Variants in FGFRL1 observed in about 807,000 individuals in gnomAD.
FGFRL1 encodes the protein fibroblast growth factor receptor-like 1.
Under a neutral mutation model 36.8 loss-of-function variants are expected in FGFRL1, and 24 were observed. That is an observed-to-expected ratio of 0.65 (90% CI 0.47 to 0.92). The LOEUF (loss-of-function observed/expected upper bound fraction) is 0.92. FGFRL1 is among the 40% of genes least tolerant of loss of function. The pLI is 0.00. For synonymous variants in FGFRL1, 422 were observed against 344.1 expected, an observed-to-expected ratio of 1.23 and a Z score of -2.50; for missense variants, 785 against 753.4, an observed-to-expected ratio of 1.04 and a Z score of -0.49.
At chr4:1,013,153 T>C (rs1484340955) in intron 2 of FGFRL1, among the ~76,000 whole-genome samples, 1 of 152,218 alleles carries the variant, frequency 6.6e-6, no homozygotes, top group African/African-American at 2.4e-5. Flanking sequence ...CAGGACTGCG[T>C]GCCTCTGGGC....
rs746746134 is a variant in FGFRL1, at chr4:1,022,458, A to G, written c.335A>G (p.Tyr112Cys). Residue 112 changes from tyrosine to cysteine, a missense_variant, in exon 3 of 7, where the codon TAC (tyrosine) becomes TGC (cysteine). Tyr to Cys is a radical substitution (Grantham distance 194). Transcript: ENST00000510644. Reference sequence around the variant, plus strand: ...GGCTTCGGCAGCCTGAGCGTCAACTACACCCTCGTCGTGCTGGGTTAGTCG... The same window carrying G: ...GGCTTCGGCAGCCTGAGCGTCAACTGCACCCTCGTCGTGCTGGGTTAGTCG... ...TNGFGSLSVN[Y>C]TLVVLDDISP... 1.1e-5 allele frequency: 17 copies of G among 1,605,848 alleles called. No homozygotes were observed. In the East Asian group the frequency reaches 3.6e-4, roughly 34 times the overall value.
chr4:1,023,828 T>C lies in FGFRL1; in HGVS notation c.445T>C (p.Phe149Leu). Residue 149 changes from phenylalanine to leucine, a missense_variant, in exon 5 of 7, where the codon TTC (phenylalanine) becomes CTC (leucine). Transcript: ENST00000510644. This position sits in a 1 kb window ranked among gnomAD's most constrained non-coding sequence, Gnocchi z 6.0. ...ACCCCACCCCGCAGCACGACCGCGC[T>C]TCACACAGCCCTCCAAGATGAGGCG... The part of the protein sequence containing the change: ...PASQQWARPR[F>L]TQPSKMRRRV... 6.3e-7 allele frequency: 1 copy of C among 1,581,756 alleles called. No homozygotes were observed. The highest frequency in any genetic ancestry group is 8.6e-7 in the Non-Finnish European group (1 of 1,164,148).
At position 1,025,042 on chromosome 4, in the gene FGFRL1, A is replaced by G. The variant is rs1366374593; in HGVS notation, c.1210A>G (p.Lys404Glu). The G allele has an allele frequency of 1.2e-6, 2 of 1,610,808 alleles. No homozygotes were observed. Among genetic ancestry groups the G allele is most frequent in the African/African-American group, 2.7e-5 (2 of 74,860 alleles). ...LLLWLCQAQK[K>E]PCTPAPAPPL... ...CCTGTGGCTTTGCCAGGCCCAGAAG[A>G]AGCCGTGCACCCCCGCGCCTGCCCC... The change falls in exon 7 of 7, where the codon AAG becomes GAG. Residue 404 changes from lysine to glutamate, a missense_variant. Coordinates refer to ENST00000510644, the MANE Select transcript of FGFRL1 (RefSeq NM_001004356.3).
Position 1,024,021 on chromosome 4 carries a change from C to T in FGFRL1, c.638C>T (p.Pro213Leu), listed in dbSNP as rs767248157. The change falls in exon 5 of 7, where the codon CCG becomes CTG. Residue 213 changes from proline to leucine, a missense_variant. Transcript: ENST00000510644. ...ACACTGAGCCTGAAGAACCTGCGGC[C>T]GGAGGACAGCGGCAAATACACCTGC... ...KWTLSLKNLRPEDSGKYTCRV... is the reference protein window; with the variant it reads ...KWTLSLKNLRLEDSGKYTCRV... 30 of 1,607,434 alleles carry T rather than the reference C, an allele frequency of 1.9e-5. No individual in the cohort carries two copies. Among genetic ancestry groups the T allele is most frequent in the South Asian group, 5.5e-5 (5 of 90,554 alleles).
chr4:1,015,980 G>A (rs918411773), intron 2 of FGFRL1, among the ~76,000 whole-genome samples: 11 of 152,252 alleles, frequency 7.2e-5, no homozygotes, highest in African/African-American at 1.9e-4. Flanking sequence ...GGGTCTGGGC[G>A]GCTGTGCCCT....
In FGFRL1 at chr4:1,025,659, A is replaced by G. The variant is rs1716481664; in HGVS notation, c.*312A>G. 1 of 472,984 alleles carries G rather than the reference A, an allele frequency of 2.1e-6. No individual in the cohort carries two copies. The highest frequency in any genetic ancestry group is 2.0e-5 in the African/African-American group (1 of 51,030). 29.3% of individuals were successfully genotyped at this position (472,984 alleles called of 1,614,324 possible). A position where few individuals can be genotyped will look rare whatever the true frequency, so the allele number is the denominator to read the frequency against. ...CAAATGCACGCACACGCACAGAGAC[A>G]TGCCAGAACATACAAGGACATGCTG... On this transcript the variant is annotated 3_prime_UTR_variant, in exon 7 of 7. Coordinates refer to ENST00000510644, the MANE Select transcript of FGFRL1 (RefSeq NM_001004356.3).
At chr4:1,012,389 C>T in intron 1 of FGFRL1, 81 bp from the exon 2 acceptor site, 1 of 1,528,658 alleles carries the variant, frequency 6.5e-7, no homozygotes, top group South Asian at 1.2e-5. Context: ...CGGCCAGACC[C>T]CTGATCCCCG....
chr4:1,017,002 G>A (rs996386671), intron 2 of FGFRL1, among the ~76,000 whole-genome samples: 22 of 152,082 alleles, frequency 1.4e-4, no homozygotes, highest in African/African-American at 4.3e-4. Context: ...CTCGGTAACC[G>A]GGTGGGGGGA....
Position 1,012,531 on chromosome 4 carries a change from C to A in FGFRL1, c.46C>A (p.Leu16Met). ...LLLLLLPPLL[L>M]GAFPPAAAAR... ...GCTGCTCCTGCTGCCGCCGCTGCTG[C>A]TGGGGGCCTTCCCGCCGGCCGCCGC... Residue 16 changes from leucine (L) to methionine (M), a missense_variant, in exon 2 of 7, where the codon CTG becomes ATG. Transcript: ENST00000510644. 1 of 1,531,702 alleles carries A rather than the reference C, an allele frequency of 6.5e-7. No homozygotes were observed. Among genetic ancestry groups the A allele is most frequent in the Admixed American group, 1.9e-5 (1 of 51,858 alleles). 94.9% of individuals were successfully genotyped at this position (1,531,702 alleles called of 1,614,324 possible).
chr4:1,024,163 GGGGGT>G, intron 5 of FGFRL1, 62 bp downstream of exon 5: 1 of 1,148,746 alleles, frequency 8.7e-7, no homozygotes, highest in Non-Finnish European at 1.1e-6. Context: ...GCTGGCGGGC[GGGGGT>G]GCTGGTGGGC....
In FGFRL1 at chr4:1,018,524, G is replaced by A. The variant is rs569892759; in HGVS notation, c.80-3679G>A. On this transcript the variant is annotated intron_variant, in intron 2 of 6. Coordinates refer to ENST00000510644, the MANE Select transcript of FGFRL1 (RefSeq NM_001004356.3). The stretch of plus-strand genomic sequence containing the variant: ...GTCCTGCCTGTGCTGGGGGCCTCTC[G>A]GCTGTGGCTAAGTGTGTGTGCAGGG... Among the ~76,000 whole-genome samples, 80 of 152,288 alleles carry A rather than the reference G, an allele frequency of 5.3e-4. 1 individual carries two copies. In the South Asian group the frequency reaches 9.7e-3, roughly 19 times the overall value.
chr4:1,013,540 C>A (rs1024226837), intron 2 of FGFRL1, among the ~76,000 whole-genome samples: 3 of 152,274 alleles, frequency 2.0e-5, no homozygotes, highest in Admixed American at 1.3e-4. Context: ...CCCCCCCTAC[C>A]CCCCGCCTGC....
rs1716335967 is a variant in FGFRL1, at chr4:1,023,833, A to G, written c.450A>G (p.Thr150=). ...ACCCCGCAGCACGACCGCGCTTCAC[A>G]CAGCCCTCCAAGATGAGGCGCCGGG... ...ASQQWARPRF[T]QPSKMRRRVI... The change falls in exon 5 of 7, where the codon ACA becomes ACG. Residue 150 remains threonine (T), a synonymous_variant. Coordinates refer to ENST00000510644, the MANE Select transcript of FGFRL1 (RefSeq NM_001004356.3). This position sits in a 1 kb window ranked among gnomAD's most constrained non-coding sequence, Gnocchi z 6.0. 2 of 1,582,456 alleles carry G rather than the reference A, an allele frequency of 1.3e-6. No individual in the cohort carries two copies. Among genetic ancestry groups the G allele is most frequent in the East Asian group, 4.6e-5 (2 of 43,464 alleles).
At chr4:1,014,605 C>T (rs1046571216) in intron 2 of FGFRL1, among the ~76,000 whole-genome samples, 1 of 146,502 alleles carries the variant, frequency 6.8e-6, no homozygotes, top group Non-Finnish European at 1.5e-5. Flanking sequence ...TGTCGGCTCC[C>T]TGTGGGGGCA....
intron 6 of FGFRL1, 66 bp downstream of exon 6, chr4:1,024,730 C>T: frequency 6.7e-7 from 1 of 1,495,862 alleles, no homozygotes; most frequent in Non-Finnish European, 9.0e-7. Context: ...GCCCGGCGTC[C>T]CACCCACCGG....
rs551397420 is a variant in FGFRL1 at position 1,016,092 on chromosome 4, C to G, written c.79+3528C>G. On this transcript the variant is annotated intron_variant, in intron 2 of 6. Coordinates refer to ENST00000510644, the MANE Select transcript of FGFRL1 (RefSeq NM_001004356.3). ...CCGCCATGTGAGTGGGAGCAAGGGC[C>G]CCTGACCTGGTGGTGCCCGGTGTGC... Among the ~76,000 whole-genome samples the G allele has an allele frequency of 8.5e-5, 13 of 152,312 alleles. No homozygotes were observed. The East Asian group carries it at 2.1e-3, about 25-fold the overall frequency.
intron 2 of FGFRL1, among the ~76,000 whole-genome samples, chr4:1,012,912 G>T (rs1416396527): frequency 6.6e-6 from 1 of 152,252 alleles, no homozygotes; most frequent in Admixed American, 6.5e-5. Context: ...GGAGTGGGCG[G>T]TTTGTGGCCA....
In FGFRL1 at chr4:1,025,366, T is replaced by C. The variant is rs1197031880; in HGVS notation, c.*19T>C. 1 of 1,527,312 alleles carries C rather than the reference T, an allele frequency of 6.5e-7. No individual in the cohort carries two copies. Among genetic ancestry groups the C allele is most frequent in the African/African-American group, 1.4e-5 (1 of 72,634 alleles). The allele number at this position is 1,527,312 out of a possible 1,614,324, so 94.6% of individuals were successfully genotyped here. A position where few individuals can be genotyped will look rare whatever the true frequency, so the allele number is the denominator to read the frequency against. Reference sequence around the variant, plus strand: ...GTGCTAGACGGCACCGTATCTGCAGTGGGCACGGGGGGGCCGGCCAGACAG... The same window carrying C: ...GTGCTAGACGGCACCGTATCTGCAGCGGGCACGGGGGGGCCGGCCAGACAG... On this transcript the variant is annotated 3_prime_UTR_variant, in exon 7 of 7. Coordinates refer to ENST00000510644, the MANE Select transcript of FGFRL1 (RefSeq NM_001004356.3).
At chr4:1,010,849 T>C (rs1010015893), upstream of FGFRL1, 5 of 152,244 alleles carry the variant, frequency 3.3e-5, no homozygotes, top group Admixed American at 1.3e-4. Context: ...TGGGGCCGCC[T>C]GCCCGGTAGC....
Sources: allele counts gnomAD v4.1 joint callset (sites outside exome capture counted in the v4.1 genomes callset), GRCh38; gene constraint gnomAD v4.1.1; non-coding constraint Gnocchi (gnomAD v3.1); transcripts MANE v1.5; gene names NCBI Gene and HGNC (gene_info 2026-07-23, HGNC 2026-07-21).